Variants in GRIA2 observed in about 807,000 individuals in gnomAD.
GRIA2 encodes glutamate ionotropic receptor AMPA type subunit 2.
In GRIA2, 14 loss-of-function variants were observed where a neutral mutation model predicts 97.3. That is an observed-to-expected ratio of 0.14 (90% CI 0.10 to 0.23). GRIA2 has a LOEUF of 0.23. GRIA2 is among the 10% of genes least tolerant of loss of function. The pLI is 1.00. For missense variants in GRIA2, 558 were observed against 1,069.8 expected (o/e 0.52, Z 6.67); for synonymous variants, 412 against 387.8 (o/e 1.06, Z -0.73).
intron 3 of GRIA2, among the ~76,000 whole-genome samples, chr4:157,307,891 T>C (rs1462953618): frequency 1.3e-5 from 2 of 152,218 alleles, no homozygotes; most frequent in African/African-American, 2.4e-5. Flanking sequence ...ATTTTTTCCC[T>C]CATATTCCTG....
At chr4:157,254,962 G>A (rs77604539) in intron 2 of GRIA2, among the ~76,000 whole-genome samples, 2,125 of 152,152 alleles carry the variant, frequency 0.014, 18 homozygotes, top group Non-Finnish European at 0.021. Flanking sequence ...AGGGGCACAA[G>A]TGCAGTATTG....
At chr4:157,256,763 A>G (rs1731296049) in intron 2 of GRIA2, among the ~76,000 whole-genome samples, 1 of 151,940 alleles carries the variant, frequency 6.6e-6, no homozygotes. Flanking sequence ...TTTTTCTGCC[A>G]TCCTGACTTG....
chr4:157,305,688 G>T (rs535069550), intron 3 of GRIA2, among the ~76,000 whole-genome samples: 52 of 151,870 alleles, frequency 3.4e-4, no homozygotes, highest in African/African-American at 1.2e-3. Flanking sequence ...TTGAGAACTG[G>T]GTTCATATAT....
intron 6 of GRIA2, among the ~76,000 whole-genome samples, chr4:157,325,908 CT>C (rs1006078383): frequency 1.3e-5 from 2 of 152,144 alleles, no homozygotes; most frequent in African/African-American, 4.8e-5. Flanking sequence ...ATCTTCCATC[CT>C]TGTGGTCCTT....
chr4:157,321,300 G>T, intron 5 of GRIA2, 138 bp from the exon 6 acceptor site: 1 of 628,320 alleles, frequency 1.6e-6, no homozygotes, highest in Admixed American at 2.8e-5. Flanking sequence ...AAATACATGG[G>T]ACATTTTCTG....
intron 8 of GRIA2, 38 bp downstream of exon 8, chr4:157,333,391 G>A: frequency 1.9e-6 from 2 of 1,075,946 alleles, no homozygotes; most frequent in Non-Finnish European, 2.8e-6. Flanking sequence ...TCTATGTGAG[G>A]AGGTGAGTTA....
chr4:157,351,263 G>T (rs754464675), intron 12 of GRIA2, among the ~76,000 whole-genome samples: 1 of 151,972 alleles, frequency 6.6e-6, no homozygotes, highest in African/African-American at 2.4e-5. Context: ...TGTTTTGATC[G>T]TAATCAAGAT....
intron 2 of GRIA2, among the ~76,000 whole-genome samples, chr4:157,268,379 C>G (rs1661636900): frequency 6.6e-6 from 1 of 151,926 alleles, no homozygotes; most frequent in Non-Finnish European, 1.5e-5. Flanking sequence ...AATATTAGTT[C>G]TGTGGCTTAC....
At chr4:157,299,908 A>G (rs1733538105) in intron 2 of GRIA2, among the ~76,000 whole-genome samples, 1 of 152,180 alleles carries the variant, frequency 6.6e-6, no homozygotes, top group South Asian at 2.1e-4. Context: ...TCATTGAGAA[A>G]CTTATAATAG....
intron 2 of GRIA2, among the ~76,000 whole-genome samples, chr4:157,281,121 C>T (rs1263870937): frequency 3.9e-5 from 6 of 152,004 alleles, no homozygotes; most frequent in Non-Finnish European, 8.8e-5. Flanking sequence ...GTGAAAGGCA[C>T]AGAATAACCT....
chr4:157,296,729 T>A (rs1733365946), intron 2 of GRIA2, among the ~76,000 whole-genome samples: 1 of 152,020 alleles, frequency 6.6e-6, no homozygotes, highest in African/African-American at 2.4e-5. Flanking sequence ...GAGTTCATAA[T>A]TAGGGAGGAT....
intron 11 of GRIA2, among the ~76,000 whole-genome samples, chr4:157,337,574 C>T (rs531006179): frequency 4.6e-5 from 7 of 152,112 alleles, no homozygotes; most frequent in South Asian, 2.1e-4. Flanking sequence ...TCTACTGGCA[C>T]ATTTTAATTT....
chr4:157,353,931 T>TA (rs1334420581), intron 12 of GRIA2, among the ~76,000 whole-genome samples: 1 of 152,080 alleles, frequency 6.6e-6, no homozygotes, highest in Non-Finnish European at 1.5e-5. Flanking sequence ...TAACCCTTTA[T>TA]AAAAAACTAA....
At position 157,290,901 on chromosome 4, in the gene GRIA2, G is replaced by A. The variant is rs549099457; in HGVS notation, c.230-12651G>A. ...TGCTCCTGCTTTATTTTCACCAGTC[G>A]CATTTAATTTAGACACCTTAAAATG... On this transcript the variant is annotated intron_variant, in intron 2 of 15. Transcript: ENST00000264426. Among the ~76,000 whole-genome samples, 328 of 151,624 alleles carry A rather than the reference G, an allele frequency of 2.2e-3. 1 individual carries two copies. Among genetic ancestry groups the A allele is most frequent in the Non-Finnish European group, 4.2e-3 (286 of 67,806 alleles).
At chr4:157,337,996 GTA>G (rs1553957061) in intron 11 of GRIA2, among the ~76,000 whole-genome samples, 4 of 126,082 alleles carry the variant, frequency 3.2e-5, no homozygotes, top group South Asian at 2.5e-4. Flanking sequence ...ACATATGTGT[GTA>G]TATATATGTG....
intron 2 of GRIA2, among the ~76,000 whole-genome samples, chr4:157,293,870 GGT>G (rs1010838499): frequency 6.6e-6 from 1 of 151,964 alleles, no homozygotes; most frequent in African/African-American, 2.4e-5. Flanking sequence ...ATGCATCAAG[GGT>G]GTGTGAGTCC....
chr4:157,238,276 A>G (rs574676889), intron 2 of GRIA2, among the ~76,000 whole-genome samples: 2 of 152,130 alleles, frequency 1.3e-5, no homozygotes, highest in Non-Finnish European at 2.9e-5. Flanking sequence ...ATTTTTGGCC[A>G]ACCGTCAGGG....
intron 2 of GRIA2, among the ~76,000 whole-genome samples, chr4:157,263,960 T>G (rs1167173528): frequency 6.6e-6 from 1 of 152,118 alleles, no homozygotes; most frequent in African/African-American, 2.4e-5. Context: ...TTACTCTTAG[T>G]TATAAAAAAT....
At chr4:157,256,246 A>ATGTT (rs1731261327) in intron 2 of GRIA2, among the ~76,000 whole-genome samples, 2 of 82,248 alleles carry the variant, frequency 2.4e-5, no homozygotes, top group African/African-American at 5.5e-5. Flanking sequence ...ATATATATAT[A>ATGTT]ATATATAAAT....
Sources: allele counts gnomAD v4.1 joint callset (sites outside exome capture counted in the v4.1 genomes callset), GRCh38; gene constraint gnomAD v4.1.1; transcripts MANE v1.5; gene names NCBI Gene and HGNC (gene_info 2026-07-23, HGNC 2026-07-21).